The following KALRN variants were observed in gnomAD, a reference collection of about 807,000 sequenced individuals.
KALRN encodes the protein kalirin RhoGEF kinase, also known as kalirin.
Under a neutral mutation model 353.7 loss-of-function variants are expected in KALRN, and 70 were observed. The ratio of observed to expected loss-of-function variants is 0.20; its 90% confidence interval spans 0.16 to 0.24. The LOEUF is 0.24. KALRN is among the 10% of genes least tolerant of loss of function. The pLI is 1.00. For synonymous variants in KALRN, 1,391 were observed against 1,434.8 expected (o/e 0.97, Z 0.69); for missense variants, 2,791 against 3,756.7 (o/e 0.74, Z 6.72).
At chr3:124,706,824 C>T (rs1373578200) in intron 57 of KALRN, among the ~76,000 whole-genome samples, 2 of 151,844 alleles carry the variant, frequency 1.3e-5, no homozygotes, top group Non-Finnish European at 1.5e-5. Flanking sequence ...CCTGCCTCAG[C>T]CTCCCAAAGT....
At chr3:124,699,791 G>A in intron 55 of KALRN, 78 bp from the exon 56 acceptor site, 2 of 1,387,068 alleles carry the variant, frequency 1.4e-6, no homozygotes, top group Non-Finnish European at 2.0e-6. Context: ...CTATTTTCCT[G>A]TCTTTGTTTG....
intron 1 of KALRN, among the ~76,000 whole-genome samples, chr3:124,074,711 C>T (rs1437154025): frequency 2.0e-5 from 3 of 152,136 alleles, no homozygotes; most frequent in Non-Finnish European, 1.5e-5. Flanking sequence ...GAGTACCTCA[C>T]GTTAGCTCCC....
At chr3:124,286,162 G>A (rs9870197) in intron 5 of KALRN, among the ~76,000 whole-genome samples, 76,032 of 121,038 alleles carry the variant, frequency 0.63, 20,486 homozygotes, top group East Asian at 0.72. Context: ...CCTTTCTTTC[G>A]TCTTTCTTTC....
intron 34 of KALRN, among the ~76,000 whole-genome samples, chr3:124,585,661 A>G (rs2075101825): frequency 6.6e-6 from 1 of 152,118 alleles, no homozygotes; most frequent in Non-Finnish European, 1.5e-5. Flanking sequence ...AAAAATCAGA[A>G]CCTTCCCAAA....
chr3:124,054,686 A>G (rs2041363209), intron 1 of KALRN, among the ~76,000 whole-genome samples: 1 of 152,170 alleles, frequency 6.6e-6, no homozygotes, highest in Non-Finnish European at 1.5e-5. Context: ...TGGCCAACTG[A>G]TCTGTACAAC....
In KALRN at chr3:124,281,045, A is replaced by G. The variant is rs140465361; in HGVS notation, c.969+11790A>G. Among the ~76,000 whole-genome samples the G allele has an allele frequency of 6.6e-3, 1,001 of 152,236 alleles. 6 individuals are homozygous for G. Among genetic ancestry groups the G allele is most frequent in the Non-Finnish European group, 0.01 (704 of 68,010 alleles). ...GCACATTGTGCACATGTACCCTAGA[A>G]CTTAAAGTATAATAAAAAAAAGAAA... On this transcript the variant is annotated intron_variant, in intron 5 of 59. Coordinates refer to ENST00000682506, the MANE Select transcript of KALRN (RefSeq NM_001388419.1).
chr3:124,683,426 T>C (rs1447510163), intron 51 of KALRN, among the ~76,000 whole-genome samples: 3 of 152,144 alleles, frequency 2.0e-5, no homozygotes, highest in African/African-American at 7.2e-5. Flanking sequence ...CACTTCTGTT[T>C]TTGTACCTGC....
At chr3:124,542,392 T>G (rs1236114491) in intron 33 of KALRN, among the ~76,000 whole-genome samples, 19 of 152,180 alleles carry the variant, frequency 1.2e-4, no homozygotes. Context: ...GAAAACACTT[T>G]GTCAACTATG....
At chr3:124,163,655 G>T (rs1040666991) in intron 1 of KALRN, 2 of 984,514 alleles carry the variant, frequency 2.0e-6, no homozygotes, top group African/African-American at 1.7e-5. Flanking sequence ...AGGCTATAAA[G>T]GTAGAAGAAT....
chr3:124,613,481 T>C lies in KALRN; in HGVS notation c.5183-18939T>C, dbSNP rs550942573. Among the ~76,000 whole-genome samples the C allele has an allele frequency of 3.3e-5, 5 of 152,284 alleles. No homozygotes were observed. In the South Asian group the frequency reaches 1.0e-3, roughly 32 times the overall value. On this transcript the variant is annotated intron_variant, in intron 34 of 59. Coordinates refer to ENST00000682506, the MANE Select transcript of KALRN (RefSeq NM_001388419.1). ...GGCAACAGGGCAAGATATCAGTTTG[T>C]TTTATCTGCCCAAAGGCAGGGGATG...
Position 124,660,743 on chromosome 3 carries a change from C to T in KALRN, c.6217-180C>T, listed in dbSNP as rs539126178. 7.9e-5 allele frequency among the ~76,000 whole-genome samples: 12 copies of T among 151,690 alleles called. No individual in the cohort carries two copies. The South Asian group carries it at 2.5e-3, about 32-fold the overall frequency. ...AATTTGAATATTCTGGGAGTTCTCT[C>T]TATGTTATTACATCTTACATGACTC... is the stretch of plus-strand genomic sequence containing the variant. On this transcript the variant is annotated intron_variant, in intron 43 of 59. Transcript: ENST00000682506.
At chr3:124,080,468 A>G (rs1044587762) in intron 1 of KALRN, among the ~76,000 whole-genome samples, 14 of 152,236 alleles carry the variant, frequency 9.2e-5, no homozygotes, top group African/African-American at 3.4e-4. Flanking sequence ...AGATAGATAG[A>G]TAGATATCAT....
rs564336594 is a variant in KALRN at position 124,303,264 on chromosome 3, C to T, written c.1092+4351C>T. ...ATAACATGTGTTTTTGAATTTCCCACTGGGAAACCCAGTTCTTTTGATCTT... is the reference window on the plus strand; with the variant it reads ...ATAACATGTGTTTTTGAATTTCCCATTGGGAAACCCAGTTCTTTTGATCTT... On this transcript the variant is annotated intron_variant, in intron 6 of 59. Transcript: ENST00000682506. Among the ~76,000 whole-genome samples the T allele has an allele frequency of 5.3e-5, 8 of 152,302 alleles. No individual in the cohort carries two copies. The South Asian group carries it at 8.3e-4, about 16-fold the overall frequency.
At chr3:124,122,283 A>G (rs2149603467) in intron 1 of KALRN, among the ~76,000 whole-genome samples, 1 of 152,106 alleles carries the variant, frequency 6.6e-6, no homozygotes. Flanking sequence ...GCACACTCTG[A>G]GGTCCTGATC....
chr3:124,510,289 G>A (rs1010064965), intron 33 of KALRN, among the ~76,000 whole-genome samples: 7 of 152,168 alleles, frequency 4.6e-5, no homozygotes, highest in African/African-American at 1.7e-4. Context: ...GGAGCAAGGA[G>A]GAAGATCATT....
intron 25 of KALRN, among the ~76,000 whole-genome samples, chr3:124,466,720 G>T (rs1042534260): frequency 6.6e-6 from 1 of 152,116 alleles, no homozygotes; most frequent in Non-Finnish European, 1.5e-5. Flanking sequence ...CAGAGGAGTC[G>T]TTACTTGCCC....
intron 6 of KALRN, among the ~76,000 whole-genome samples, chr3:124,325,408 T>C (rs1228924650): frequency 6.6e-6 from 1 of 152,178 alleles, no homozygotes; most frequent in Non-Finnish European, 1.5e-5. Flanking sequence ...GACCAGTGCC[T>C]CAGCTCTTTT....
At chr3:124,446,665 C>T in intron 20 of KALRN, 98 bp from the exon 21 acceptor site, 1 of 1,449,506 alleles carries the variant, frequency 6.9e-7, no homozygotes. Flanking sequence ...TTCCTGGGTC[C>T]ATTAAGTTGT....
At chr3:124,713,787 A>G (rs534365203) in intron 58 of KALRN, among the ~76,000 whole-genome samples, 1 of 152,324 alleles carries the variant, frequency 6.6e-6, no homozygotes, top group East Asian at 1.9e-4. Context: ...GATACAAGTA[A>G]CAGAAATGTG....
Sources: gnomAD v4.1 joint callset for allele counts (sites outside exome capture counted in the v4.1 genomes callset) on GRCh38, gnomAD v4.1.1 for gene constraint, MANE v1.5 for transcripts, NCBI Gene and HGNC (gene_info 2026-07-23, HGNC 2026-07-21) for gene names.